Variants in C5orf63 observed in about 807,000 individuals in gnomAD.
The protein encoded by C5orf63 is chromosome 5 open reading frame 63, also known as glutaredoxin-like protein C5orf63.
Under a neutral mutation model 13.3 loss-of-function variants are expected in C5orf63, and 18 were observed. The observed-to-expected ratio is 1.36, with a 90% CI of 0.94 to 2.01. The LOEUF is 2.01. Ranked by LOEUF, C5orf63 falls within the 30% of genes most tolerant of loss-of-function variation. The pLI, the probability that C5orf63 is intolerant of heterozygous loss-of-function variation, is 0.00. For synonymous variants in C5orf63, 38 were observed against 44.7 expected (o/e 0.85, Z 0.60); for missense variants, 118 against 127.7 (o/e 0.92, Z 0.36).
At chr5:127,049,477 T>C (rs147480955), downstream of C5orf63, among the ~76,000 whole-genome samples, 26 of 152,338 alleles carry the variant, frequency 1.7e-4, no homozygotes, top group African/African-American at 5.8e-4. Context: ...CTGTGAATCA[T>C]TCCTGCTACT....
In C5orf63 at chr5:127,058,882, C is replaced by A; in HGVS notation, c.114G>T (p.Lys38Asn). The change falls in exon 3 of 5, where the codon AAG becomes AAT. Residue 38 changes from lysine to asparagine, a missense_variant and splice_region_variant. Physicochemically the swap from Lys to Asn is moderately conservative, Grantham distance 94 (BLOSUM62 0). Transcript: ENST00000296662. Reference sequence around the variant, plus strand: ...ACAATTTTACTTTTTCACTTTGTACCTTTGTGAATAAGGTCAACACAGGCA... The same window carrying A: ...ACAATTTTACTTTTTCACTTTGTACATTTGTGAATAAGGTCAACACAGGCA... ...TTLPVLTLFT[K>N]DPCPLCDEAK... The A allele has an allele frequency of 6.6e-7, 1 of 1,525,982 alleles. No homozygotes were observed. Among genetic ancestry groups the A allele is most frequent in the East Asian group, 2.4e-5 (1 of 40,830 alleles). The allele number at this position is 1,525,982 out of a possible 1,614,324, so 94.5% of individuals were successfully genotyped here.
intron 2 of C5orf63, among the ~76,000 whole-genome samples, chr5:127,070,515 GTCAACT>G (rs1469733748): frequency 6.6e-6 from 1 of 152,170 alleles, no homozygotes; most frequent in Non-Finnish European, 1.5e-5. Context: ...ACAAAAAGCT[GTCAACT>G]TTGAACTCCT....
At chr5:127,056,091 G>A (rs1480061441) in intron 3 of C5orf63, among the ~76,000 whole-genome samples, 1 of 152,126 alleles carries the variant, frequency 6.6e-6, no homozygotes, top group Admixed American at 6.6e-5. Context: ...TGTAGCAAGC[G>A]TGTTATAATA....
At chr5:127,063,520 C>A (rs548446034) in intron 2 of C5orf63, among the ~76,000 whole-genome samples, 106 of 152,260 alleles carry the variant, frequency 7.0e-4, no homozygotes, top group African/African-American at 2.5e-3. Flanking sequence ...CCTTCACCGA[C>A]CAGAATTTTT....
chr5:127,043,627 T>C (rs964019486), downstream of C5orf63: 2 of 152,228 alleles, frequency 1.3e-5, no homozygotes, highest in African/African-American at 4.8e-5. Flanking sequence ...AGAATATCTT[T>C]ACAAGAAAAC....
chr5:127,070,267 T>A (rs887459947), intron 2 of C5orf63, among the ~76,000 whole-genome samples: 2 of 152,206 alleles, frequency 1.3e-5, no homozygotes, highest in Non-Finnish European at 2.9e-5. Context: ...TTTTCTTCAC[T>A]GGATGGAAGG....
intron 3 of C5orf63, 48 bp downstream of exon 3, chr5:127,058,834 A>T: frequency 1.6e-6 from 2 of 1,229,500 alleles, no homozygotes; most frequent in Non-Finnish European, 2.3e-6. Context: ...CCTTTTTCTT[A>T]AATGTACAAC....
At chr5:127,043,675 T>C (rs1420292064), downstream of C5orf63, 1 of 152,224 alleles carries the variant, frequency 6.6e-6, no homozygotes. Flanking sequence ...AACATAGCTC[T>C]TCTGGCAGTT....
At chr5:127,060,930 T>C (rs1354306030) in intron 2 of C5orf63, among the ~76,000 whole-genome samples, 1 of 152,198 alleles carries the variant, frequency 6.6e-6, no homozygotes, top group East Asian at 1.9e-4. Flanking sequence ...TAAGAACAGG[T>C]ACTTGTTCAA....
At chr5:127,071,033 A>G (rs568682429) in intron 2 of C5orf63, among the ~76,000 whole-genome samples, 12 of 152,340 alleles carry the variant, frequency 7.9e-5, no homozygotes, top group African/African-American at 2.9e-4. Context: ...TATACTTTTT[A>G]TAGATCCAAC....
At chr5:127,057,239 T>C (rs1253131452) in intron 3 of C5orf63, among the ~76,000 whole-genome samples, 1 of 152,220 alleles carries the variant, frequency 6.6e-6, no homozygotes, top group African/African-American at 2.4e-5. Context: ...ATAAATTCAT[T>C]TTTAAAACTC....
chr5:127,047,420 T>C (rs994814923), downstream of C5orf63: 3 of 363,540 alleles, frequency 8.3e-6, no homozygotes, highest in East Asian at 4.7e-5. Flanking sequence ...ACCTTTTAGA[T>C]GCCATGTTTG....
downstream of C5orf63, among the ~76,000 whole-genome samples, chr5:127,049,537 C>G (rs1178069261): frequency 6.6e-6 from 1 of 152,202 alleles, no homozygotes; most frequent in Non-Finnish European, 1.5e-5. Flanking sequence ...CCTCATTGCA[C>G]TATGCTGTGC....
Position 127,046,005 on chromosome 5 carries a change from T to C in C5orf63, c.*1665A>G, listed in dbSNP as rs1278789732. On this transcript the variant is annotated 3_prime_UTR_variant, in exon 5 of 5. Coordinates refer to the C5orf63 transcript ENST00000535381. ...CTTCCTCTATTCTCATGGGTCAAGA[T>C]TAGTATTCTCCATGGTTTGGGAATA... The C allele has an allele frequency of 3.9e-5, 6 of 152,240 alleles. No homozygotes were observed. The South Asian group carries it at 8.3e-4, about 21-fold the overall frequency. 9.4% of individuals were successfully genotyped at this position (152,240 alleles called of 1,614,324 possible). A position where few individuals can be genotyped will look rare whatever the true frequency, so the allele number is the denominator to read the frequency against.
At chr5:127,043,868 T>G (rs1375630018), downstream of C5orf63, 1 of 152,234 alleles carries the variant, frequency 6.6e-6, no homozygotes, top group African/African-American at 2.4e-5. Context: ...ATGATGCAAA[T>G]GTACATTTTA....
downstream of C5orf63, chr5:127,047,105 T>C (rs1753536741): frequency 1.3e-5 from 2 of 152,510 alleles, no homozygotes; most frequent in African/African-American, 2.4e-5. Flanking sequence ...AGTAAGCTCA[T>C]AATGTTATGA....
intron 3 of C5orf63, among the ~76,000 whole-genome samples, chr5:127,056,217 A>G (rs1166585402): frequency 2.6e-5 from 4 of 152,332 alleles, no homozygotes; most frequent in East Asian, 1.9e-4. Flanking sequence ...GAATGGGCCA[A>G]TCAGAGCCAG....
Position 127,051,678 on chromosome 5 carries a change from C to G in C5orf63, c.*93G>C. On this transcript the variant is annotated 3_prime_UTR_variant, in exon 5 of 5. Coordinates refer to ENST00000296662, the MANE Select transcript of C5orf63 (RefSeq NM_001164478.2). ...CTGAATTCAGAACATCCTTAGGGCT[C>G]TGTACAAGTGACAAAATGAGTATCA... 2.2e-6 allele frequency: 3 copies of G among 1,385,638 alleles called. No individual in the cohort carries two copies. The highest frequency in any genetic ancestry group is 1.9e-6 in the Non-Finnish European group (2 of 1,073,508). The allele number at this position is 1,385,638 out of a possible 1,614,324, so 85.8% of individuals were successfully genotyped here. A position where few individuals can be genotyped will look rare whatever the true frequency, so the allele number is the denominator to read the frequency against.
downstream of C5orf63, chr5:127,047,946 G>A (rs1753558702): frequency 1.5e-6 from 1 of 654,122 alleles, no homozygotes; most frequent in South Asian, 1.7e-5. Flanking sequence ...GGAGAGGGGT[G>A]AGAATGTTCT....
Sources: allele counts gnomAD v4.1 joint callset (sites outside exome capture counted in the v4.1 genomes callset), GRCh38; gene constraint gnomAD v4.1.1; transcripts MANE v1.5; gene names NCBI Gene and HGNC (gene_info 2026-07-23, HGNC 2026-07-21).